The following SLC41A2 variants were observed in gnomAD, a reference collection of about 807,000 sequenced individuals.
SLC41A2 encodes solute carrier family 41 member 2, also known as SLC41A1-like 1.
In SLC41A2, 32 loss-of-function variants were observed where a neutral mutation model predicts 58.3. The observed-to-expected ratio is 0.55, with a 90% confidence interval of 0.41 to 0.74. The LOEUF is 0.74. Among genes scored for constraint, SLC41A2 ranks in the 30% least tolerant of loss-of-function variants. The pLI is 0.00. For synonymous variants in SLC41A2, 190 were observed against 235.0 expected (o/e 0.81, Z 1.75); for missense variants, 514 against 680.6 (o/e 0.76, Z 2.72).
At chr12:104,810,459 TAC>T (rs2041124374) in intron 10 of SLC41A2, among the ~76,000 whole-genome samples, 1 of 152,188 alleles carries the variant, frequency 6.6e-6, no homozygotes, top group African/African-American at 2.4e-5. Flanking sequence ...CATACTTATA[TAC>T]ACAGATTTAT....
At chr12:104,935,833 A>C (rs986021424) in intron 1 of SLC41A2, among the ~76,000 whole-genome samples, 7 of 152,184 alleles carry the variant, frequency 4.6e-5, no homozygotes, top group Non-Finnish European at 7.4e-5. Context: ...ACTTGAGGCC[A>C]GGAGTTTGAG....
rs59716698 is a variant in SLC41A2 at position 104,801,970 on chromosome 12, T to TAAAAC, written c.*3177_*3181dup. On this transcript the variant is annotated 3_prime_UTR_variant, in exon 11 of 11. Transcript: ENST00000258538. ...TTAAATTTTATTCTTTATTTGAGTT[T>TAAAAC]AAAACAATTCGAAGATGGCAGAACC... Among the ~76,000 whole-genome samples the TAAAAC allele has an allele frequency of 0.025, 3,744 of 152,256 alleles. 95 individuals carry two copies. The highest frequency in any genetic ancestry group is 0.15 in the East Asian group (790 of 5,178).
chr12:104,817,983 G>A (rs1001772579), intron 10 of SLC41A2, among the ~76,000 whole-genome samples: 3 of 152,102 alleles, frequency 2.0e-5, no homozygotes, highest in Non-Finnish European at 4.4e-5. Flanking sequence ...GATTTTAAAT[G>A]TTCTCATCAC....
chr12:104,929,989 TTCA>T (rs1483958723), intron 1 of SLC41A2, among the ~76,000 whole-genome samples: 1 of 152,188 alleles, frequency 6.6e-6, no homozygotes, highest in Non-Finnish European at 1.5e-5. Context: ...TAGGGCCTGG[TTCA>T]TCAATTCCAT....
At chr12:104,854,561 T>A (rs1355610540) in intron 8 of SLC41A2, among the ~76,000 whole-genome samples, 1 of 101,424 alleles carries the variant, frequency 9.9e-6, no homozygotes, top group Non-Finnish European at 2.2e-5. Context: ...AGACTCCGTC[T>A]CAAAAAAACA....
At chr12:104,850,682 C>T (rs1389841739) in intron 8 of SLC41A2, among the ~76,000 whole-genome samples, 1 of 152,134 alleles carries the variant, frequency 6.6e-6, no homozygotes, top group South Asian at 2.1e-4. Context: ...TGTTTTAAGG[C>T]TGAAATTATA....
At chr12:104,852,162 T>C (rs181578532) in intron 8 of SLC41A2, among the ~76,000 whole-genome samples, 190 of 152,326 alleles carry the variant, frequency 1.2e-3, no homozygotes, top group African/African-American at 4.5e-3. Context: ...TTTCTCTTTA[T>C]AGTCACTCAA....
intron 10 of SLC41A2, among the ~76,000 whole-genome samples, chr12:104,835,063 T>C (rs574716242): frequency 6.6e-6 from 1 of 152,276 alleles, no homozygotes; most frequent in African/African-American, 2.4e-5. Context: ...TTGATGATGA[T>C]GATGTTGATA....
At chr12:104,934,954 T>G (rs1368885697) in intron 1 of SLC41A2, among the ~76,000 whole-genome samples, 2 of 152,042 alleles carry the variant, frequency 1.3e-5, no homozygotes, top group African/African-American at 4.8e-5. Context: ...TTTTTGTTTT[T>G]TTTGTTTGTT....
At chr12:104,857,129 G>A (rs568297422) in intron 8 of SLC41A2, among the ~76,000 whole-genome samples, 2 of 152,074 alleles carry the variant, frequency 1.3e-5, no homozygotes, top group Non-Finnish European at 2.9e-5. Context: ...AAAGAGGAGT[G>A]GTATTTCAAG....
chr12:104,831,148 G>A (rs940869452), intron 10 of SLC41A2, among the ~76,000 whole-genome samples: 2 of 152,074 alleles, frequency 1.3e-5, no homozygotes, highest in Admixed American at 6.6e-5. Context: ...CAAGCAATCT[G>A]TCTGCCTCAG....
intron 10 of SLC41A2, among the ~76,000 whole-genome samples, chr12:104,839,508 TTTC>T (rs976928421): frequency 6.7e-6 from 1 of 150,234 alleles, no homozygotes; most frequent in Non-Finnish European, 1.5e-5. Context: ...TTCTTTTTTT[TTTC>T]TTTTTTTTTT....
intron 2 of SLC41A2, among the ~76,000 whole-genome samples, chr12:104,913,976 C>T (rs1457237620): frequency 1.3e-5 from 2 of 152,064 alleles, no homozygotes; most frequent in East Asian, 1.9e-4. Flanking sequence ...GCAGGAGAAT[C>T]GCCTGAACCC....
At chr12:104,917,954 CT>C (rs1297520004) in intron 2 of SLC41A2, among the ~76,000 whole-genome samples, 1 of 146,084 alleles carries the variant, frequency 6.8e-6, no homozygotes, top group Non-Finnish European at 1.5e-5. Context: ...TACATGTACC[CT>C]AAAACTTAAA....
intron 6 of SLC41A2, among the ~76,000 whole-genome samples, chr12:104,876,265 C>T (rs1028053844): frequency 3.9e-5 from 6 of 151,972 alleles, no homozygotes; most frequent in East Asian, 1.9e-4. Context: ...TATTTCTGCT[C>T]TGGTCTTTAT....
chr12:104,867,063 A>G (rs1220091321), intron 6 of SLC41A2, among the ~76,000 whole-genome samples: 3 of 152,154 alleles, frequency 2.0e-5, no homozygotes, highest in Non-Finnish European at 2.9e-5. Flanking sequence ...ATCTGACACC[A>G]AAGTTAGTGC....
chr12:104,867,815 A>T (rs550612916), intron 6 of SLC41A2, among the ~76,000 whole-genome samples: 6 of 150,082 alleles, frequency 4.0e-5, no homozygotes, highest in African/African-American at 1.5e-4. Flanking sequence ...TACAACCCTT[A>T]CCCCAACTCT....
At position 104,928,307 on chromosome 12, in the gene SLC41A2, T is replaced by C. The variant is rs762433419; in HGVS notation, c.221A>G (p.Gln74Arg). ...IWQDGLSTAV[Q>R]TFSNRSEQHM... ...TTGCTCAGATCTATTACTAAAAGTCTGTACTGCAGTTGATAATCCATCTTG... is the reference window on the plus strand; with the variant it reads ...TTGCTCAGATCTATTACTAAAAGTCCGTACTGCAGTTGATAATCCATCTTG... Residue 74 changes from glutamine to arginine, a missense_variant, in exon 2 of 11, where the codon CAG becomes CGG. Physicochemically the swap from Gln to Arg is conservative, Grantham distance 43. Transcript: ENST00000258538. 8 of 1,612,820 alleles carry C rather than the reference T, an allele frequency of 5.0e-6. No homozygotes were observed. Among genetic ancestry groups the C allele is most frequent in the Non-Finnish European group, 6.8e-6 (8 of 1,179,326 alleles).
At chr12:104,943,947 A>G (rs2047611710) in intron 1 of SLC41A2, among the ~76,000 whole-genome samples, 1 of 152,214 alleles carries the variant, frequency 6.6e-6, no homozygotes, top group African/African-American at 2.4e-5. Context: ...TGATCGGGAT[A>G]TAAACCCAGG....
Sources: allele counts gnomAD v4.1 joint callset (sites outside exome capture counted in the v4.1 genomes callset), GRCh38; gene constraint gnomAD v4.1.1; transcripts MANE v1.5; gene names NCBI Gene and HGNC (gene_info 2026-07-23, HGNC 2026-07-21).